Variants in PLXND1 observed in about 807,000 individuals in gnomAD.
PLXND1 encodes plexin D1.
Under a neutral mutation model 197.7 loss-of-function variants are expected in PLXND1, and 54 were observed. The observed-to-expected ratio is 0.27, with a 90% CI of 0.22 to 0.34. The LOEUF (loss-of-function observed/expected upper bound fraction) is 0.34, where lower values mean the gene tolerates loss of function less well. PLXND1 is among the 10% of genes least tolerant of loss of function. The probability of loss-of-function intolerance (pLI) is 1.00; values close to 1 mark genes in which losing one functional copy is unlikely to be tolerated. For missense variants in PLXND1, 2,127 were observed against 2,699.2 expected (o/e 0.79, Z 4.70); for synonymous variants, 1,180 against 1,161.2 (o/e 1.02, Z -0.33).
In PLXND1 at chr3:129,575,828, G is replaced by A. The variant is rs1417436817; in HGVS notation, c.2374C>T (p.Leu792=). ...CACACAGCCTCGAAGATCTCCTCCA[G>A]CCCAAAACTACACTCCAGGGCTGCA... is the stretch of plus-strand genomic sequence containing the variant. ...QGAALECSFG[L]EEIFEAVWVN... Residue 792 remains leucine (L), a synonymous_variant, in exon 10 of 36, where the codon CTG becomes TTG. Transcript: ENST00000324093. 2 of 1,612,978 alleles carry A rather than the reference G, an allele frequency of 1.2e-6. No individual in the cohort carries two copies. The highest frequency in any genetic ancestry group is 1.7e-6 in the Non-Finnish European group (2 of 1,179,160).
intron 1 of PLXND1, among the ~76,000 whole-genome samples, chr3:129,595,127 G>A (rs1264075067): frequency 1.3e-5 from 2 of 152,180 alleles, no homozygotes; most frequent in Non-Finnish European, 2.9e-5. Flanking sequence ...GCTCAGTGGT[G>A]GCCTGTGGAC....
At position 129,557,859 on chromosome 3, in the gene PLXND1, C is replaced by T. The variant is rs944680654; in HGVS notation, c.5445+569G>A. On this transcript the variant is annotated intron_variant, in intron 33 of 35. Coordinates refer to ENST00000324093, the MANE Select transcript of PLXND1 (RefSeq NM_015103.3). This position sits in a 1 kb window ranked among gnomAD's most constrained non-coding sequence, Gnocchi z 4.8. Reference sequence around the variant, plus strand: ...CAATCTCATCCCTGCTCACAGCAACCGGCTGCTTTCCTGCCTCCCTGTCTT... The same window carrying T: ...CAATCTCATCCCTGCTCACAGCAACTGGCTGCTTTCCTGCCTCCCTGTCTT... Among the ~76,000 whole-genome samples the T allele has an allele frequency of 1.3e-5, 2 of 152,186 alleles. No homozygotes were observed. Among genetic ancestry groups the T allele is most frequent in the Non-Finnish European group, 2.9e-5 (2 of 68,018 alleles).
chr3:129,596,200 C>T lies in PLXND1; in HGVS notation c.1312-6673G>A, dbSNP rs115850639. Among the ~76,000 whole-genome samples, 464 of 152,182 alleles carry T rather than the reference C, an allele frequency of 3.0e-3. 3 individuals carry two copies. Among genetic ancestry groups the T allele is most frequent in the African/African-American group, 0.01 (432 of 41,536 alleles). Reference sequence around the variant, plus strand: ...CTATGCAGACCACGGAGCAGAGGCTCGGGAGCTCCCGAGGACAGGGACAAG... The same window carrying T: ...CTATGCAGACCACGGAGCAGAGGCTTGGGAGCTCCCGAGGACAGGGACAAG... On this transcript the variant is annotated intron_variant, in intron 1 of 35. Transcript: ENST00000324093.
chr3:129,580,854 C>T (rs1012714146), intron 8 of PLXND1, among the ~76,000 whole-genome samples: 7 of 151,948 alleles, frequency 4.6e-5, no homozygotes, highest in African/African-American at 1.7e-4. Context: ...CACAATTGCC[C>T]CCATGTTCCT....
At position 129,586,122 on chromosome 3, in the gene PLXND1, C is replaced by G. The variant is rs200953183; in HGVS notation, c.1722-41G>C. The stretch of plus-strand genomic sequence containing the variant: ...AGGGTCAGGACCCAGGTCAGCTCCT[C>G]CCACCCCCACAGCCCTCCTGGTCCA... On this transcript the variant is annotated intron_variant, in intron 4 of 35. Transcript: ENST00000324093. 2.5e-6 allele frequency: 4 copies of G among 1,612,352 alleles called. No individual in the cohort carries two copies. In the Admixed American group the frequency reaches 5.0e-5, roughly 20 times the overall value.
Position 129,560,355 on chromosome 3 carries a change from T to C in PLXND1, c.5108A>G (p.Tyr1703Cys), listed in dbSNP as rs781156209. The change falls in exon 31 of 36, where the codon TAC (tyrosine) becomes TGC (cysteine). Residue 1703 changes from tyrosine to cysteine, a missense_variant. Physicochemically the swap from Tyr to Cys is radical, Grantham distance 194. Transcript: ENST00000324093. Reference protein sequence around the residue: ...SHRKKVLPEIYLTRLLSTKGT... With the variant: ...SHRKKVLPEICLTRLLSTKGT... ...CTTGGTGGAGAGCAGGCGGGTCAGGTAGATTTCCGGGAGCACCTTCTTGCG... is the reference window on the plus strand; with the variant it reads ...CTTGGTGGAGAGCAGGCGGGTCAGGCAGATTTCCGGGAGCACCTTCTTGCG... 5.6e-6 allele frequency: 9 copies of C among 1,611,668 alleles called. No homozygotes were observed. Among genetic ancestry groups the C allele is most frequent in the African/African-American group, 1.3e-5 (1 of 74,858 alleles).
chr3:129,560,506 G>C (rs935994916), intron 30 of PLXND1, 72 bp from the exon 31 acceptor site: 2 of 1,121,174 alleles, frequency 1.8e-6, no homozygotes, highest in African/African-American at 3.1e-5. Context: ...GTCTGGCTCT[G>C]CCATGCTTCT....
At chr3:129,596,297 T>A (rs1323163664) in intron 1 of PLXND1, among the ~76,000 whole-genome samples, 6 of 152,068 alleles carry the variant, frequency 3.9e-5, no homozygotes, top group African/African-American at 1.4e-4. Context: ...AAGGACACAG[T>A]AGTGGGAGCT....
At chr3:129,556,461 G>T in intron 35 of PLXND1, 33 bp from the exon 36 acceptor site, 1 of 1,554,000 alleles carries the variant, frequency 6.4e-7, no homozygotes, top group Non-Finnish European at 8.9e-7. Flanking sequence ...CCGGGCCATG[G>T]CCGGTAGCCC....
intron 21 of PLXND1, 26 bp from the exon 22 acceptor site, chr3:129,567,630 G>A (rs772623333): frequency 1.9e-6 from 3 of 1,592,368 alleles, no homozygotes; most frequent in South Asian, 2.2e-5. Flanking sequence ...ACAGCCGTGA[G>A]CGGCCCGAGA....
At position 129,586,090 on chromosome 3, in the gene PLXND1, G is replaced by C. The variant is rs751260460; in HGVS notation, c.1722-9C>G. 26 of 1,613,610 alleles carry C rather than the reference G, an allele frequency of 1.6e-5. No homozygotes were observed. The Admixed American group carries it at 4.3e-4, about 27-fold the overall frequency. ...CCTGCTGCAAGGTGCACCTGGGGTG[G>C]CACCGCAGGGTCAGGACCCAGGTCA... is the stretch of plus-strand genomic sequence containing the variant. On this transcript the variant is annotated splice_polypyrimidine_tract_variant and intron_variant, in intron 4 of 35. Coordinates refer to ENST00000324093, the MANE Select transcript of PLXND1 (RefSeq NM_015103.3).
rs1417013143 is a variant in PLXND1, at chr3:129,561,727, G to A, written c.4930-18C>T. The A allele has an allele frequency of 1.9e-6, 3 of 1,585,892 alleles. No individual in the cohort carries two copies. Among genetic ancestry groups the A allele is most frequent in the African/African-American group, 1.4e-5 (1 of 73,982 alleles). On this transcript the variant is annotated intron_variant, in intron 28 of 35. Coordinates refer to ENST00000324093, the MANE Select transcript of PLXND1 (RefSeq NM_015103.3). ...TCAGGGATCTGATGGGAGGGGAGAG[G>A]CCGAGGTCAGAGGCCGGAGGTTGGG... is the stretch of plus-strand genomic sequence containing the variant.
At position 129,584,515 on chromosome 3, in the gene PLXND1, C is replaced by T. The variant is rs1311618440; in HGVS notation, c.1899G>A (p.Met633Ile). 4 of 1,613,674 alleles carry T rather than the reference C, an allele frequency of 2.5e-6. No individual in the cohort carries two copies. In the African/African-American group the frequency reaches 5.3e-5, roughly 21 times the overall value. ...TGTTCCCATAGTCACAGGCCATCTC[C>T]ATGCCACTGAGGCTGGGCAGGCTGC... Reference protein sequence around the residue: ...ISGSLPSLSGMEMACDYGNNI... With the variant: ...ISGSLPSLSGIEMACDYGNNI... The change falls in exon 6 of 36, where the codon ATG becomes ATA. Residue 633 changes from methionine to isoleucine, a missense_variant. Around this residue, in one of 6 missense-constraint regions of PLXND1, gnomAD observed 1,095 missense variants for 1,259.8 expected, o/e 0.87. Transcript: ENST00000324093.
chr3:129,583,989 GA>G (rs1406271841), intron 7 of PLXND1, 135 bp downstream of exon 7: 5 of 653,546 alleles, frequency 7.7e-6, no homozygotes, highest in Admixed American at 6.9e-5. Context: ...ATGTGCTGGT[GA>G]ATGAACAACT....
chr3:129,590,669 T>C (rs2085527246), intron 1 of PLXND1, among the ~76,000 whole-genome samples: 1 of 152,154 alleles, frequency 6.6e-6, no homozygotes, highest in Admixed American at 6.5e-5. Flanking sequence ...GTAAACATAA[T>C]AACAGGCCAC....
At chr3:129,594,357 G>A (rs754052625) in intron 1 of PLXND1, among the ~76,000 whole-genome samples, 1 of 152,186 alleles carries the variant, frequency 6.6e-6, no homozygotes, top group Non-Finnish European at 1.5e-5. Context: ...CATGGCTCAC[G>A]CCTGTAATCC....
In PLXND1 at chr3:129,557,311, C is replaced by T. The variant is rs987645676; in HGVS notation, c.5446-88G>A. 2.0e-6 allele frequency: 3 copies of T among 1,487,976 alleles called. No individual in the cohort carries two copies. The African/African-American group carries it at 4.2e-5, about 21-fold the overall frequency. The allele number at this position is 1,487,976 out of a possible 1,614,324, so 92.2% of individuals were successfully genotyped here. ...CTGGATGAGCCCTCATCCCTCCTGC[C>T]ACATAAGTGACCTTAGCAGGCCCCC... On this transcript the variant is annotated intron_variant, in intron 33 of 35. Coordinates refer to ENST00000324093, the MANE Select transcript of PLXND1 (RefSeq NM_015103.3). This position sits in a 1 kb window ranked among gnomAD's most constrained non-coding sequence, Gnocchi z 4.8.
At chr3:129,595,921 G>GCGCGCACACACACACACA (rs138452605) in intron 1 of PLXND1, among the ~76,000 whole-genome samples, 40 of 146,514 alleles carry the variant, frequency 2.7e-4, no homozygotes, top group South Asian at 1.5e-3. Flanking sequence ...GTGCACGCAC[G>GCGCGCACACACACACACA]CACACACACA....
Position 129,584,142 on chromosome 3 carries a change from T to G in PLXND1, c.2121A>C (p.Gln707His). Residue 707 changes from glutamine to histidine, a missense_variant, in exon 7 of 36, where the codon CAA (glutamine) becomes CAC (histidine). Transcript: ENST00000324093. ...CCACTCACGCTGTGTGGGGGTACAC[T>G]TGTGCAGTGCGGCTGCAGTCGTAGA... ...FTIYDCSRTA[Q>H]VYPHTACTSC... 1 of 1,563,024 alleles carries G rather than the reference T, an allele frequency of 6.4e-7. No homozygotes were observed. Among genetic ancestry groups the G allele is most frequent in the East Asian group, 2.3e-5 (1 of 42,648 alleles).
Sources: allele counts gnomAD v4.1 joint callset (sites outside exome capture counted in the v4.1 genomes callset), GRCh38; gene constraint gnomAD v4.1.1; regional missense constraint gnomAD v4.1.1; non-coding constraint Gnocchi (gnomAD v3.1); transcripts MANE v1.5; gene names NCBI Gene and HGNC (gene_info 2026-07-23, HGNC 2026-07-21).